OTOGL: variants seen among roughly 807,000 people sequenced by gnomAD.
OTOGL encodes the protein otogelin like, also known as otogelin-like protein.
Under a neutral mutation model 318.5 loss-of-function variants are expected in OTOGL, and 285 were observed. The observed-to-expected ratio is 0.89, with a 90% CI of 0.81 to 0.99. The LOEUF (loss-of-function observed/expected upper bound fraction) is 0.99, where lower values mean the gene tolerates loss of function less well. Ranked by LOEUF, OTOGL falls within the 50% of genes least tolerant of loss-of-function variation. OTOGL has a pLI of 0.00. For missense variants in OTOGL, 2,899 were observed against 2,845.6 expected (o/e 1.02, Z -0.43); for synonymous variants, 987 against 936.5 (o/e 1.05, Z -0.99).
rs371465450 is a variant in OTOGL, at chr12:80,255,183, C to T, written c.1585C>T (p.Gln529Ter). 4.6e-5 allele frequency: 68 copies of T among 1,477,748 alleles called. No individual in the cohort carries two copies. The highest frequency in any genetic ancestry group is 5.6e-5 in the Non-Finnish European group (63 of 1,118,704). The allele number at this position is 1,477,748 out of a possible 1,614,324, so 91.5% of individuals were successfully genotyped here. A position where few individuals can be genotyped will look rare whatever the true frequency, so the allele number is the denominator to read the frequency against. The change falls in exon 16 of 59, where the codon CAG (glutamine) becomes TAG (stop). Residue 529 changes from glutamine (Q) to a stop codon, truncating the protein, a stop_gained and splice_region_variant. Coordinates refer to ENST00000547103, the MANE Select transcript of OTOGL (RefSeq NM_001378609.3). LOFTEE classifies it high-confidence loss of function. The part of the protein sequence containing the change: ...TITLQKAPCE[Q>*]NLGLVCLQSI... ...TACTTTACAGAAAGCTCCCTGTGAG[C>T]AGGTAAGAACATTTCAAAATGACCA...
At chr12:80,217,470 C>G (rs1877850000) in intron 4 of OTOGL, 128 bp from the exon 5 acceptor site, 1 of 694,548 alleles carries the variant, frequency 1.4e-6, no homozygotes, top group Admixed American at 2.7e-5. Flanking sequence ...CTCAATAACC[C>G]CAGAAAATAT....
intron 1 of OTOGL, among the ~76,000 whole-genome samples, chr12:80,150,516 C>T (rs960240150): frequency 3.0e-4 from 45 of 152,172 alleles, no homozygotes; most frequent in African/African-American, 1.1e-3. Context: ...ATGGACCAAT[C>T]ATGGGATTTT....
chr12:80,339,309 T>G (rs1272531026), intron 43 of OTOGL, 45 bp downstream of exon 43: 3 of 1,422,310 alleles, frequency 2.1e-6, no homozygotes, highest in South Asian at 1.3e-5. Context: ...TTTTTTTTTT[T>G]TTTTTTTTTT....
chr12:80,312,805 TTTC>T (rs1002730480), intron 30 of OTOGL, among the ~76,000 whole-genome samples: 15 of 152,200 alleles, frequency 9.9e-5, no homozygotes, highest in East Asian at 9.6e-4. Flanking sequence ...TCCTGCTTCT[TTTC>T]TTCTTCTTCT....
chr12:80,355,224 C>CTTTTTTTTTTTTTTTTTTTTTTTT (rs11343611), intron 46 of OTOGL, among the ~76,000 whole-genome samples: 1 of 65,600 alleles, frequency 1.5e-5, no homozygotes, highest in Non-Finnish European at 3.0e-5. Flanking sequence ...TTCTTTCTTT[C>CTTTTTTTTTTTTTTTTTTTTTTTT]TTTTCTTTTT....
At chr12:80,336,844 T>A (rs1888440246) in intron 41 of OTOGL, 24 bp downstream of exon 41, 4 of 1,537,850 alleles carry the variant, frequency 2.6e-6, no homozygotes, top group Non-Finnish European at 3.5e-6. Context: ...AAGTGTTTAG[T>A]ACATTCATTC....
At chr12:80,377,739 T>C in intron 58 of OTOGL, 109 bp from the exon 59 acceptor site, 4 of 833,308 alleles carry the variant, frequency 4.8e-6, no homozygotes, top group Non-Finnish European at 7.5e-6. Context: ...AGCTTGAGGG[T>C]TGGAGTGATG....
chr12:80,227,778 T>C (rs983215476), intron 7 of OTOGL, among the ~76,000 whole-genome samples: 1 of 152,114 alleles, frequency 6.6e-6, no homozygotes, highest in Admixed American at 6.6e-5. Context: ...ATTCCAGATA[T>C]CCCATATGGC....
chr12:80,302,903 TACTA>T lies in OTOGL; in HGVS notation c.3213+124_3213+127del, dbSNP rs1356278114. 9 of 914,918 alleles carry T rather than the reference TACTA, an allele frequency of 9.8e-6. No individual in the cohort carries two copies. The African/African-American group carries it at 1.2e-4, about 12-fold the overall frequency. The allele number at this position is 914,918 out of a possible 1,614,324, so 56.7% of individuals were successfully genotyped here. On this transcript the variant is annotated intron_variant, in intron 28 of 58. Coordinates refer to ENST00000547103, the MANE Select transcript of OTOGL (RefSeq NM_001378609.3). Reference sequence around the variant, plus strand: ...AAGAACTAGGTTATATTTCCAGAATTACTAACTCATACCCTTGTGAAAAAGAACT... The same window carrying T: ...AAGAACTAGGTTATATTTCCAGAATTACTCATACCCTTGTGAAAAAGAACT...
chr12:80,351,676 C>T (rs2137998243), intron 44 of OTOGL, among the ~76,000 whole-genome samples: 1 of 152,138 alleles, frequency 6.6e-6, no homozygotes, highest in Admixed American at 6.5e-5. Context: ...AATTTGGCAT[C>T]TGAATTTAGA....
Position 80,254,533 on chromosome 12 carries a change from T to C in OTOGL, c.1404T>C (p.Val468=), listed in dbSNP as rs758360453. ...IEQECTECVC[V]GGVWNCTEQD... ...TTATAATTTCTTTTAGTGTGTGTGTTGGTGGAGTTTGGAACTGCACTGAGC... is the reference window on the plus strand; with the variant it reads ...TTATAATTTCTTTTAGTGTGTGTGTCGGTGGAGTTTGGAACTGCACTGAGC... Residue 468 remains valine (V), a synonymous_variant, in exon 15 of 59, where the codon GTT becomes GTC. Transcript: ENST00000547103. 2.5e-6 allele frequency: 4 copies of C among 1,607,530 alleles called. No individual in the cohort carries two copies. In the Middle Eastern group the frequency reaches 6.6e-4, roughly 266 times the overall value.
At chr12:80,255,756 A>C (rs1016422225) in intron 16 of OTOGL, among the ~76,000 whole-genome samples, 6 of 151,964 alleles carry the variant, frequency 3.9e-5, no homozygotes, top group African/African-American at 7.2e-5. Context: ...ATCTCTCTAA[A>C]GCAGGTAGTC....
chr12:80,333,852 C>T (rs1888231110), intron 38 of OTOGL, among the ~76,000 whole-genome samples: 2 of 151,956 alleles, frequency 1.3e-5, no homozygotes, highest in South Asian at 4.1e-4. Flanking sequence ...GGCAGAGGGA[C>T]CAGCAAGTGC....
At chr12:80,279,410 C>A (rs1455082516) in intron 26 of OTOGL, among the ~76,000 whole-genome samples, 1 of 151,196 alleles carries the variant, frequency 6.6e-6, no homozygotes, top group African/African-American at 2.4e-5. Flanking sequence ...AGCATAGTAC[C>A]CAATAGATAG....
At chr12:80,202,071 T>G (rs1449067403) in intron 1 of OTOGL, among the ~76,000 whole-genome samples, 1 of 152,154 alleles carries the variant, frequency 6.6e-6, no homozygotes, top group Non-Finnish European at 1.5e-5. Context: ...GAAGTTTCCC[T>G]GACTCCCACC....
chr12:80,269,721 T>A (rs1883258869), intron 22 of OTOGL, among the ~76,000 whole-genome samples: 1 of 152,194 alleles, frequency 6.6e-6, no homozygotes, highest in Non-Finnish European at 1.5e-5. Context: ...CCAACAGATT[T>A]TAAAAACATT....
intron 55 of OTOGL, among the ~76,000 whole-genome samples, chr12:80,369,450 T>G (rs1395438069): frequency 6.6e-6 from 1 of 152,106 alleles, no homozygotes; most frequent in Non-Finnish European, 1.5e-5. Context: ...TTTCCTTAAG[T>G]GCTTTTAAGA....
At chr12:80,196,473 C>A (rs73356987) in intron 1 of OTOGL, among the ~76,000 whole-genome samples, 5,566 of 152,208 alleles carry the variant, frequency 0.037, 347 homozygotes, top group African/African-American at 0.13. Context: ...TCATTCACTG[C>A]TCTGTTTGGA....
At position 80,158,478 on chromosome 12, in the gene OTOGL, T is replaced by C. The variant is rs373222446; in HGVS notation, c.-19-50935T>C. Reference sequence around the variant, plus strand: ...GGAAAGGTTATCTCTGAAATGGCCTTGCAGAATTGGTAGAATGGCAGAGAT... The same window carrying C: ...GGAAAGGTTATCTCTGAAATGGCCTCGCAGAATTGGTAGAATGGCAGAGAT... On this transcript the variant is annotated intron_variant, in intron 1 of 58. Coordinates refer to ENST00000547103, the MANE Select transcript of OTOGL (RefSeq NM_001378609.3). Among the ~76,000 whole-genome samples, 6 of 152,190 alleles carry C rather than the reference T, an allele frequency of 3.9e-5. No homozygotes were observed. The East Asian group carries it at 7.7e-4, about 20-fold the overall frequency.
Sources: allele counts gnomAD v4.1 joint callset (sites outside exome capture counted in the v4.1 genomes callset), GRCh38; gene constraint gnomAD v4.1.1; transcripts MANE v1.5; gene names NCBI Gene and HGNC (gene_info 2026-07-23, HGNC 2026-07-21).